Variants in GAREM1 observed in about 807,000 individuals in gnomAD.
GAREM1 encodes the protein GRB2-associated and regulator of MAPK protein 1.
Under a neutral mutation model 71.3 loss-of-function variants are expected in GAREM1, and 26 were observed. The observed-to-expected ratio is 0.36, with a 90% confidence interval of 0.27 to 0.51. GAREM1 has a LOEUF of 0.51. Ranked by LOEUF, GAREM1 falls within the 20% of genes least tolerant of loss-of-function variation. The pLI, the probability that GAREM1 is intolerant of heterozygous loss-of-function variation, is 0.95. For synonymous variants in GAREM1, 440 were observed against 433.2 expected (o/e 1.02, Z -0.20); for missense variants, 1,026 against 1,103.1 (o/e 0.93, Z 0.99).
intron 2 of GAREM1, among the ~76,000 whole-genome samples, chr18:32,357,499 G>T (rs115649508): frequency 0.011 from 1,624 of 152,238 alleles, 31 homozygotes; most frequent in African/African-American, 0.035. Context: ...TTTGTGTTCA[G>T]CCCTCTATCT....
intron 1 of GAREM1, among the ~76,000 whole-genome samples, chr18:32,456,277 C>G (rs888964255): frequency 6.6e-6 from 1 of 151,990 alleles, no homozygotes; most frequent in Admixed American, 6.6e-5. Context: ...GAAAAACCAA[C>G]AGAAAGTATG....
Position 32,402,929 on chromosome 18 carries a change from T to C in GAREM1, c.122-9894A>G, listed in dbSNP as rs368572777. 3.9e-5 allele frequency among the ~76,000 whole-genome samples: 6 copies of C among 152,240 alleles called. No homozygotes were observed. In the South Asian group the frequency reaches 8.3e-4, roughly 21 times the overall value. ...TCAATCTTTTCTTTCCTTCTTTTTCTTTTATTGAGACAGAGTCTTGCTCTG... is the reference window on the plus strand; with the variant it reads ...TCAATCTTTTCTTTCCTTCTTTTTCCTTTATTGAGACAGAGTCTTGCTCTG... On this transcript the variant is annotated intron_variant, in intron 1 of 5. Transcript: ENST00000269209.
intron 4 of GAREM1, among the ~76,000 whole-genome samples, chr18:32,272,820 G>A (rs2041482298): frequency 6.6e-6 from 1 of 152,110 alleles, no homozygotes; most frequent in Non-Finnish European, 1.5e-5. Context: ...AGGGGGTTTC[G>A]CCATGCTGGC....
chr18:32,353,264 T>G (rs983769717), intron 2 of GAREM1, among the ~76,000 whole-genome samples: 25 of 152,202 alleles, frequency 1.6e-4, no homozygotes, highest in African/African-American at 6.0e-4. Context: ...GAGGGCATAT[T>G]GTGGGCCATG....
chr18:32,266,453 C>T lies in GAREM1; in HGVS notation c.*1418G>A, dbSNP rs2144404892. 6.6e-6 allele frequency: 1 copy of T among 152,212 alleles called. No individual in the cohort carries two copies. The highest frequency in any genetic ancestry group is 1.9e-4 in the East Asian group (1 of 5,172). The allele number at this position is 152,212 out of a possible 1,614,324, so 9.4% of individuals were successfully genotyped here. Reference sequence around the variant, plus strand: ...GAATCTGGGGCCAGACTCTCAGGTGCAGGGGAGTAGATGATGCCTTGCTCT... The same window carrying T: ...GAATCTGGGGCCAGACTCTCAGGTGTAGGGGAGTAGATGATGCCTTGCTCT... On this transcript the variant is annotated 3_prime_UTR_variant, in exon 6 of 6. Transcript: ENST00000269209.
intron 2 of GAREM1, among the ~76,000 whole-genome samples, chr18:32,345,463 TTAGA>T (rs1452086900): frequency 6.6e-6 from 1 of 152,156 alleles, no homozygotes; most frequent in Non-Finnish European, 1.5e-5. Flanking sequence ...ATGATATAAA[TTAGA>T]TAAAGATCAA....
intron 3 of GAREM1, among the ~76,000 whole-genome samples, chr18:32,292,242 GTGA>G (rs1185434438): frequency 1.3e-5 from 2 of 152,076 alleles, no homozygotes; most frequent in African/African-American, 4.8e-5. Flanking sequence ...CTAATGACCA[GTGA>G]TGATGATTTT....
At chr18:32,364,310 C>T (rs189218397) in intron 2 of GAREM1, among the ~76,000 whole-genome samples, 4 of 151,764 alleles carry the variant, frequency 2.6e-5, no homozygotes, top group African/African-American at 9.7e-5. Context: ...GCTGAGATTA[C>T]AGGCATGAGC....
In GAREM1 at chr18:32,326,875, G is replaced by C. The variant is rs914915666; in HGVS notation, c.263-16552C>G. 6.9e-4 allele frequency among the ~76,000 whole-genome samples: 105 copies of C among 152,208 alleles called. 1 individual carries two copies. The highest frequency in any genetic ancestry group is 2.9e-4 in the Non-Finnish European group (20 of 68,042). On this transcript the variant is annotated intron_variant, in intron 2 of 5. Coordinates refer to ENST00000269209, the MANE Select transcript of GAREM1 (RefSeq NM_001242409.2). ...GGTGCAAGGGTAGGATGGTTGCTCA[G>C]TAAAATATTCCATCCAACAGGGGCA...
chr18:32,264,318 T>G lies in GAREM1; in HGVS notation c.*3553A>C, dbSNP rs1338255925. Reference sequence around the variant, plus strand: ...ATTTCCTTTGAACAGTTCGCTAGGTTCTTTGAAGGATTATTTGTTTTCCAG... The same window carrying G: ...ATTTCCTTTGAACAGTTCGCTAGGTGCTTTGAAGGATTATTTGTTTTCCAG... On this transcript the variant is annotated 3_prime_UTR_variant, in exon 6 of 6. Coordinates refer to ENST00000269209, the MANE Select transcript of GAREM1 (RefSeq NM_001242409.2). 6.6e-6 allele frequency: 1 copy of G among 152,214 alleles called. No homozygotes were observed. The highest frequency in any genetic ancestry group is 1.5e-5 in the Non-Finnish European group (1 of 68,034). The allele number at this position is 152,214 out of a possible 1,614,324, so 9.4% of individuals were successfully genotyped here. A position where few individuals can be genotyped will look rare whatever the true frequency, so the allele number is the denominator to read the frequency against.
intron 4 of GAREM1, among the ~76,000 whole-genome samples, chr18:32,278,629 A>G (rs1045954197): frequency 6.6e-6 from 1 of 152,118 alleles, no homozygotes; most frequent in Non-Finnish European, 1.5e-5. Context: ...TCTGCCCTGT[A>G]TTTTACATTT....
At chr18:32,309,614 T>C (rs2047293184) in intron 3 of GAREM1, among the ~76,000 whole-genome samples, 2 of 16,820 alleles carry the variant, frequency 1.2e-4, no homozygotes, top group Admixed American at 8.3e-4. Flanking sequence ...AGACTCAGTC[T>C]CAAAAAAAAA....
chr18:32,384,272 T>C (rs963022398), intron 2 of GAREM1, among the ~76,000 whole-genome samples: 4 of 152,172 alleles, frequency 2.6e-5, no homozygotes, highest in Non-Finnish European at 4.4e-5. Context: ...CCCTTCACTG[T>C]GTTGTTGCCA....
At chr18:32,451,604 C>T (rs1039953530) in intron 1 of GAREM1, among the ~76,000 whole-genome samples, 3 of 152,206 alleles carry the variant, frequency 2.0e-5, no homozygotes, top group Non-Finnish European at 4.4e-5. Flanking sequence ...CCACTACATT[C>T]CCACAAATCT....
At chr18:32,340,758 T>C (rs374785908) in intron 2 of GAREM1, among the ~76,000 whole-genome samples, 1 of 152,100 alleles carries the variant, frequency 6.6e-6, no homozygotes, top group East Asian at 1.9e-4. Context: ...TTATTATCCA[T>C]AGGGAAGTGC....
chr18:32,457,199 TA>T (rs142557593), intron 1 of GAREM1, among the ~76,000 whole-genome samples: 11,033 of 52,356 alleles, frequency 0.21, 759 homozygotes, highest in Middle Eastern at 0.35. Flanking sequence ...ATTGTGTGTG[TA>T]GGGGGGGAGA....
At chr18:32,303,874 T>C (rs142243055) in intron 3 of GAREM1, among the ~76,000 whole-genome samples, 368 of 150,738 alleles carry the variant, frequency 2.4e-3, no homozygotes, top group African/African-American at 8.0e-3. Context: ...TGAGCTATGA[T>C]AGTGCCACTG....
chr18:32,386,532 G>A (rs192059366), intron 2 of GAREM1, among the ~76,000 whole-genome samples: 3 of 152,300 alleles, frequency 2.0e-5, no homozygotes, highest in Admixed American at 2.0e-4. Context: ...CAGATTTGCA[G>A]GAGGATGAGA....
chr18:32,330,252 G>C (rs964176293), intron 2 of GAREM1, among the ~76,000 whole-genome samples: 1 of 152,170 alleles, frequency 6.6e-6, no homozygotes, highest in Non-Finnish European at 1.5e-5. Flanking sequence ...AATTAATGCA[G>C]GTACAGAAAA....
Sources: gnomAD v4.1 joint callset for allele counts (sites outside exome capture counted in the v4.1 genomes callset) on GRCh38, gnomAD v4.1.1 for gene constraint, MANE v1.5 for transcripts, NCBI Gene and HGNC (gene_info 2026-07-23, HGNC 2026-07-21) for gene names.